Variants in C16orf96 observed in about 807,000 individuals in gnomAD.
C16orf96 encodes the protein uncharacterized protein C16orf96.
C16orf96 carries 108 observed loss-of-function variants against 103.6 expected under a neutral mutation model. That is an observed-to-expected ratio of 1.04 (90% CI 0.89 to 1.22). The LOEUF is 1.22. C16orf96 is among the 50% of genes most tolerant of loss of function. The pLI, the probability that C16orf96 is intolerant of heterozygous loss-of-function variation, is 0.00. For missense variants in C16orf96, 1,586 were observed against 1,464.2 expected (o/e 1.08, Z -1.36); for synonymous variants, 566 against 593.5 (o/e 0.95, Z 0.67).
In C16orf96 at chr16:4,595,702, G is replaced by GTTGGTT. The variant is rs1251038637; in HGVS notation, c.3127+902_3127+903insGTTTTG. Among the ~76,000 whole-genome samples the GTTGGTT allele has an allele frequency of 2.0e-5, 3 of 151,680 alleles. No homozygotes were observed. The East Asian group carries it at 5.8e-4, about 29-fold the overall frequency. ...GAAATTCTGGTTTTTTGTTGTTGTT[G>GTTGGTT]TTGTTGTTGTTTGTTTGTTTTTGAG... On this transcript the variant is annotated intron_variant, in intron 14 of 15. Coordinates refer to ENST00000444310, the MANE Select transcript of C16orf96 (RefSeq NM_001145011.2).
Position 4,576,625 on chromosome 16 carries a change from G to C in C16orf96, c.2145G>C (p.Leu715Phe). The C allele has an allele frequency of 6.4e-7, 1 of 1,550,666 alleles. No individual in the cohort carries two copies. The highest frequency in any genetic ancestry group is 2.4e-5 in the East Asian group (1 of 40,926). ...AQLSCNLNQR[L>F]SYLANMGGPS... is the part of the protein sequence containing the mutation. Reference sequence around the variant, plus strand: ...TGTCCTGTAACCTGAACCAGCGCTTGAGTTATCTAGGTAGGCCTGGTCTGG... The same window carrying C: ...TGTCCTGTAACCTGAACCAGCGCTTCAGTTATCTAGGTAGGCCTGGTCTGG... The change falls in exon 5 of 16, where the codon TTG becomes TTC. Residue 715 changes from leucine to phenylalanine, a missense_variant. Physicochemically the swap from Leu to Phe is conservative, Grantham distance 22. Transcript: ENST00000444310.
At chr16:4,547,166 G>A in the C16orf96 span, among the ~76,000 whole-genome samples, 9 of 151,938 alleles carry the variant, frequency 5.9e-5, no homozygotes, top group African/African-American at 1.2e-4. Flanking sequence ...ACAGCGTCTC[G>A]CTCTGTCGCC....
At chr16:4,547,209 A>T in the C16orf96 span, among the ~76,000 whole-genome samples, 1 of 152,174 alleles carries the variant, frequency 6.6e-6, no homozygotes, top group African/African-American at 2.4e-5. Flanking sequence ...ATCTTGGCTC[A>T]CTGGAACCTC....
At chr16:4,562,669 A>G in intron 1 of C16orf96, 1 of 380,678 alleles carries the variant, frequency 2.6e-6, no homozygotes, top group Non-Finnish European at 4.8e-6. Context: ...TAATGCACAT[A>G]TAAAAAAAGT....
At chr16:4,565,250 G>A (rs2059375031) in intron 1 of C16orf96, among the ~76,000 whole-genome samples, 1 of 152,202 alleles carries the variant, frequency 6.6e-6, no homozygotes, top group South Asian at 2.1e-4. Context: ...GGCAACTGTC[G>A]GGGACGCACT....
chr16:4,574,914 G>A (rs1255664818), intron 3 of C16orf96, 58 bp from the exon 4 acceptor site: 2 of 1,530,122 alleles, frequency 1.3e-6, no homozygotes, highest in South Asian at 1.2e-5. Flanking sequence ...CTTTGCAGGT[G>A]TGGGGGACAC....
the C16orf96 span, among the ~76,000 whole-genome samples, chr16:4,551,080 C>A: frequency 3.9e-5 from 6 of 152,188 alleles, no homozygotes; most frequent in Non-Finnish European, 8.8e-5. Context: ...TGAGGCCAGC[C>A]TGGCCAACAT....
At chr16:4,580,216 G>A in intron 7 of C16orf96, 91 bp downstream of exon 7, 1 of 991,732 alleles carries the variant, frequency 1.0e-6, no homozygotes, top group Non-Finnish European at 1.4e-6. Context: ...TCTGCATGAG[G>A]TGGGGATGCA....
the C16orf96 span, among the ~76,000 whole-genome samples, chr16:4,541,122 C>T: frequency 6.6e-6 from 1 of 152,084 alleles, no homozygotes; most frequent in South Asian, 2.1e-4. Context: ...CTATGTTGGT[C>T]AGGCTGGTGT....
intron 7 of C16orf96, among the ~76,000 whole-genome samples, chr16:4,584,781 G>C (rs1347159541): frequency 6.6e-6 from 1 of 151,922 alleles, no homozygotes; most frequent in Non-Finnish European, 1.5e-5. Context: ...TGATTTGCCT[G>C]CCTCGGCCTC....
upstream of C16orf96, among the ~76,000 whole-genome samples, chr16:4,556,039 G>T (rs1365302916): frequency 2.0e-5 from 3 of 152,002 alleles, no homozygotes; most frequent in Non-Finnish European, 4.4e-5. Flanking sequence ...TAAAACCTGG[G>T]TCTTCCTAAC....
At chr16:4,558,045 G>C (rs770164355) in intron 1 of C16orf96, among the ~76,000 whole-genome samples, 14 of 152,202 alleles carry the variant, frequency 9.2e-5, no homozygotes, top group Non-Finnish European at 1.9e-4. Context: ...GAACAGGCAC[G>C]CCCGGCCTAG....
the C16orf96 span, among the ~76,000 whole-genome samples, chr16:4,549,203 G>C: frequency 6.6e-6 from 1 of 152,050 alleles, no homozygotes; most frequent in African/African-American, 2.4e-5. Context: ...GGCCGGGCGC[G>C]GTGGCTCACG....
In C16orf96 at chr16:4,571,678, C is replaced by A; in HGVS notation, c.525+13C>A. The A allele has an allele frequency of 6.5e-7, 1 of 1,547,052 alleles. No individual in the cohort carries two copies. Among genetic ancestry groups the A allele is most frequent in the Non-Finnish European group, 8.7e-7 (1 of 1,143,464 alleles). Reference sequence around the variant, plus strand: ...CATGCTTGACAAGGTAGGCCCTCCCCCAGCATCCTCCATGCCAGCTGCGTT... The same window carrying A: ...CATGCTTGACAAGGTAGGCCCTCCCACAGCATCCTCCATGCCAGCTGCGTT... On this transcript the variant is annotated intron_variant, in intron 2 of 15. Transcript: ENST00000444310.
At chr16:4,539,879 C>T in the C16orf96 span, among the ~76,000 whole-genome samples, 1 of 152,120 alleles carries the variant, frequency 6.6e-6, no homozygotes, top group African/African-American at 2.4e-5. Flanking sequence ...CTGACTCAAC[C>T]AGTTCTTGCA....
chr16:4,548,389 G>A, the C16orf96 span, among the ~76,000 whole-genome samples: 17 of 152,154 alleles, frequency 1.1e-4, no homozygotes, highest in African/African-American at 3.9e-4. Flanking sequence ...CTTATTTTTA[G>A]TCCAGATTTC....
chr16:4,543,828 G>T, the C16orf96 span, among the ~76,000 whole-genome samples: 2 of 150,642 alleles, frequency 1.3e-5, no homozygotes, highest in Non-Finnish European at 3.0e-5. Flanking sequence ...TTTTAGTAGA[G>T]ACAGGGTTTC....
chr16:4,588,260 T>A lies in C16orf96; in HGVS notation c.2521T>A (p.Phe841Ile). The change falls in exon 9 of 16, where the codon TTC (phenylalanine) becomes ATC (isoleucine). Residue 841 changes from phenylalanine (F) to isoleucine (I), a missense_variant. By Grantham distance (21) the Phe-to-Ile change is conservative. Coordinates refer to ENST00000444310, the MANE Select transcript of C16orf96 (RefSeq NM_001145011.2). ...GAACGAGATGATTCAGGGCATACTC[T>A]TCAAGGTCACGATCCATGAGGACAG... ...ELNEMIQGIL[F>I]KVTIHEDSWK... 6.4e-7 allele frequency: 1 copy of A among 1,551,694 alleles called. No homozygotes were observed. Among genetic ancestry groups the A allele is most frequent in the Non-Finnish European group, 8.7e-7 (1 of 1,146,992 alleles).
chr16:4,587,869 G>A (rs890594350), intron 8 of C16orf96, among the ~76,000 whole-genome samples: 2 of 152,130 alleles, frequency 1.3e-5, no homozygotes, highest in Non-Finnish European at 2.9e-5. Flanking sequence ...CCAAGAGGTG[G>A]AGGCTGCAGT....
Sources: allele counts gnomAD v4.1 joint callset (sites outside exome capture counted in the v4.1 genomes callset), GRCh38; gene constraint gnomAD v4.1.1; transcripts MANE v1.5; gene names NCBI Gene and HGNC (gene_info 2026-07-23, HGNC 2026-07-21).